The following MAP3K7 variants were observed in gnomAD, a reference collection of about 807,000 sequenced individuals.
MAP3K7 encodes mitogen-activated protein kinase kinase kinase 7.
Under a neutral mutation model 84.8 loss-of-function variants are expected in MAP3K7, and 21 were observed. That is an observed-to-expected ratio of 0.25 (90% CI 0.18 to 0.36). The LOEUF (loss-of-function observed/expected upper bound fraction) is 0.36. MAP3K7 is among the 10% of genes least tolerant of loss of function. The probability of loss-of-function intolerance (pLI) is 1.00; values close to 1 mark genes in which losing one functional copy is unlikely to be tolerated. For missense variants in MAP3K7, 503 were observed against 747.7 expected, an observed-to-expected ratio of 0.67 and a Z score of 3.82; for synonymous variants, 241 against 247.7, an observed-to-expected ratio of 0.97 and a Z score of 0.25.
At chr6:90,530,562 T>A (rs140113533) in intron 13 of MAP3K7, among the ~76,000 whole-genome samples, 7 of 152,306 alleles carry the variant, frequency 4.6e-5, no homozygotes, top group Admixed American at 1.3e-4. Context: ...AGGCTTGCAC[T>A]TTTAATGCAA....
intron 16 of MAP3K7, among the ~76,000 whole-genome samples, chr6:90,517,194 T>C (rs16883072): frequency 0.029 from 4,336 of 151,870 alleles, 210 homozygotes; most frequent in African/African-American, 0.097. Context: ...GTGAGAAAAA[T>C]GACAAAGTAC....
At chr6:90,550,420 G>T (rs777897063) in intron 9 of MAP3K7, 48 bp downstream of exon 9, 3 of 1,193,920 alleles carry the variant, frequency 2.5e-6, no homozygotes, top group South Asian at 1.3e-5. Flanking sequence ...CATGGGAATA[G>T]AGATGAAAGA....
intron 13 of MAP3K7, among the ~76,000 whole-genome samples, chr6:90,531,664 C>T (rs918638061): frequency 3.3e-5 from 5 of 151,968 alleles, no homozygotes; most frequent in African/African-American, 4.8e-5. Flanking sequence ...GTCTGTTCTC[C>T]AACAGAGGCC....
chr6:90,578,269 G>C (rs1017053528), intron 1 of MAP3K7, among the ~76,000 whole-genome samples: 1 of 152,044 alleles, frequency 6.6e-6, no homozygotes, highest in South Asian at 2.1e-4. Context: ...AGTTTGTTTT[G>C]TTTTGTTTTG....
chr6:90,532,590 G>A (rs565243736), intron 13 of MAP3K7, among the ~76,000 whole-genome samples: 87 of 152,278 alleles, frequency 5.7e-4, no homozygotes, highest in African/African-American at 1.5e-3. Context: ...TCTTGCAGTC[G>A]TAATTTTCAC....
At chr6:90,525,399 G>C (rs1026439102) in intron 13 of MAP3K7, among the ~76,000 whole-genome samples, 2 of 152,000 alleles carry the variant, frequency 1.3e-5, no homozygotes, top group African/African-American at 4.8e-5. Context: ...ATGTTGACCA[G>C]GCTTCTCTCA....
chr6:90,548,880 G>A (rs1469958365), intron 9 of MAP3K7, among the ~76,000 whole-genome samples: 1 of 151,862 alleles, frequency 6.6e-6, no homozygotes, highest in Non-Finnish European at 1.5e-5. Context: ...TGAGAGTCAA[G>A]ATGAGAAATG....
At chr6:90,535,825 T>C (rs1242910704) in intron 13 of MAP3K7, among the ~76,000 whole-genome samples, 2 of 152,124 alleles carry the variant, frequency 1.3e-5, no homozygotes, top group Non-Finnish European at 2.9e-5. Flanking sequence ...AGTTTACACA[T>C]TTGCTTAGTA....
chr6:90,580,764 T>C (rs1777242642), intron 1 of MAP3K7, among the ~76,000 whole-genome samples: 1 of 152,246 alleles, frequency 6.6e-6, no homozygotes, highest in Non-Finnish European at 1.5e-5. Context: ...CAGATATTCT[T>C]CATAATCCTT....
Position 90,556,221 on chromosome 6 carries a change from T to C in MAP3K7, c.607+279A>G, listed in dbSNP as rs567481930. Reference sequence around the variant, plus strand: ...CATGAAAGCACCATGAGTATTAATTTTGGGGTTACAAATAAATGTTAGCAA... The same window carrying C: ...CATGAAAGCACCATGAGTATTAATTCTGGGGTTACAAATAAATGTTAGCAA... On this transcript the variant is annotated intron_variant, in intron 6 of 16. Transcript: ENST00000369329. 9.5e-4 allele frequency among the ~76,000 whole-genome samples: 144 copies of C among 152,348 alleles called. 2 individuals are homozygous for C. In the South Asian group the frequency reaches 0.023, roughly 24 times the overall value.
chr6:90,519,125 TA>T, intron 15 of MAP3K7, 132 bp downstream of exon 15: 1 of 599,036 alleles, frequency 1.7e-6, no homozygotes, highest in Non-Finnish European at 2.9e-6. Flanking sequence ...GATTTGATTC[TA>T]AAAAGTTTAA....
chr6:90,547,493 T>C, intron 10 of MAP3K7, 106 bp from the exon 11 acceptor site: 1 of 1,272,496 alleles, frequency 7.9e-7, no homozygotes, highest in South Asian at 1.3e-5. Flanking sequence ...ATAGATCCTG[T>C]TCTGCTCTGA....
chr6:90,536,242 C>T, intron 13 of MAP3K7, 95 bp downstream of exon 13: 1 of 938,392 alleles, frequency 1.1e-6, no homozygotes, highest in Non-Finnish European at 1.7e-6. Flanking sequence ...AACTTTAGGT[C>T]AACTCATAAA....
intron 13 of MAP3K7, among the ~76,000 whole-genome samples, chr6:90,532,081 A>C (rs925494130): frequency 1.3e-5 from 2 of 152,222 alleles, no homozygotes; most frequent in Non-Finnish European, 2.9e-5. Context: ...TTGTTTACAC[A>C]AAAGGAGGTG....
intron 1 of MAP3K7, among the ~76,000 whole-genome samples, chr6:90,579,756 T>C (rs1309047577): frequency 6.6e-6 from 1 of 152,238 alleles, no homozygotes; most frequent in Non-Finnish European, 1.5e-5. Flanking sequence ...CATGATCAAA[T>C]GATAGTATGA....
chr6:90,564,234 T>G (rs1008030240), intron 3 of MAP3K7, among the ~76,000 whole-genome samples: 2 of 152,174 alleles, frequency 1.3e-5, no homozygotes, highest in Admixed American at 1.3e-4. Context: ...ACCTTAAATG[T>G]AAATGGGCTA....
In MAP3K7 at chr6:90,541,476, C is replaced by A. The variant is rs115612857; in HGVS notation, c.1291+3076G>T. Among the ~76,000 whole-genome samples the A allele has an allele frequency of 5.9e-3, 904 of 152,036 alleles. 13 individuals are homozygous for A. The highest frequency in any genetic ancestry group is 0.021 in the African/African-American group (863 of 41,518). Reference sequence around the variant, plus strand: ...TAATTTGCTCTTAGCTGCGTGTCTTCCTTGGTAAAAAGGAGCCAGGCTAAT... The same window carrying A: ...TAATTTGCTCTTAGCTGCGTGTCTTACTTGGTAAAAAGGAGCCAGGCTAAT... On this transcript the variant is annotated intron_variant, in intron 12 of 16. Coordinates refer to ENST00000369329, the MANE Select transcript of MAP3K7 (RefSeq NM_145331.3).
At chr6:90,576,699 T>G (rs1777095350) in intron 1 of MAP3K7, among the ~76,000 whole-genome samples, 1 of 152,154 alleles carries the variant, frequency 6.6e-6, no homozygotes, top group Admixed American at 6.5e-5. Flanking sequence ...GGAGTATAAT[T>G]GTGTGTGTAT....
At chr6:90,532,840 ATAAT>A (rs1775551658) in intron 13 of MAP3K7, among the ~76,000 whole-genome samples, 1 of 152,372 alleles carries the variant, frequency 6.6e-6, no homozygotes, top group Non-Finnish European at 1.5e-5. Context: ...AACTGTTTAA[ATAAT>A]TAATGACAAT....
Sources: allele counts gnomAD v4.1 joint callset (sites outside exome capture counted in the v4.1 genomes callset), GRCh38; gene constraint gnomAD v4.1.1; transcripts MANE v1.5; gene names NCBI Gene and HGNC (gene_info 2026-07-23, HGNC 2026-07-21).